MICAL2: variants seen among roughly 807,000 people sequenced by gnomAD.
MICAL2 encodes [F-actin]-monooxygenase MICAL2.
Under a neutral mutation model 127.3 loss-of-function variants are expected in MICAL2, and 77 were observed. The ratio of observed to expected loss-of-function variants is 0.60; its 90% CI spans 0.50 to 0.73. MICAL2 has a LOEUF of 0.73. Among genes scored for constraint, MICAL2 ranks in the 30% least tolerant of loss-of-function variants. MICAL2 has a pLI of 0.00. For missense variants in MICAL2, 1,351 were observed against 1,434.4 expected (o/e 0.94, Z 0.94); for synonymous variants, 570 against 551.1 (o/e 1.03, Z -0.48).
At chr11:12,145,273 C>T (rs913242030) in intron 2 of MICAL2, among the ~76,000 whole-genome samples, 1 of 152,190 alleles carries the variant, frequency 6.6e-6, no homozygotes, top group African/African-American at 2.4e-5. Context: ...TATCAGGACC[C>T]AGCATGCACT....
chr11:12,220,981 G>T (rs1856754680), intron 9 of MICAL2, among the ~76,000 whole-genome samples: 1 of 152,240 alleles, frequency 6.6e-6, no homozygotes, highest in African/African-American at 2.4e-5. Flanking sequence ...TCTCTTTAGT[G>T]TGAGCACTGA....
At chr11:12,241,243 C>G in intron 18 of MICAL2, 81 bp downstream of exon 18, 1 of 1,519,608 alleles carries the variant, frequency 6.6e-7, no homozygotes, top group Non-Finnish European at 8.9e-7. Context: ...GTGGCTCTTC[C>G]CACACCCCAA....
At chr11:12,199,609 C>T (rs1294929491) in intron 3 of MICAL2, among the ~76,000 whole-genome samples, 10 of 152,104 alleles carry the variant, frequency 6.6e-5, no homozygotes, top group South Asian at 2.1e-4. Flanking sequence ...GTGAGAGGGG[C>T]GGCTGGAAGA....
rs1854951433 is a variant in MICAL2, at chr11:12,207,996, A to T, written c.473-27A>T. 1.9e-6 allele frequency: 3 copies of T among 1,558,006 alleles called. No homozygotes were observed. The African/African-American group carries it at 4.1e-5, about 21-fold the overall frequency. On this transcript the variant is annotated intron_variant, in intron 4 of 27. Coordinates refer to ENST00000683283, the MANE Select transcript of MICAL2 (RefSeq NM_001282663.2). Reference sequence around the variant, plus strand: ...GGTGGTGTTCAGGTATTGCTGTGACAGTTCCTCTCTCCTTCCTGCCTGACA... The same window carrying T: ...GGTGGTGTTCAGGTATTGCTGTGACTGTTCCTCTCTCCTTCCTGCCTGACA...
chr11:12,340,338 CTA>C (rs1938843029), intron 32 of MICAL2, among the ~76,000 whole-genome samples: 1 of 152,066 alleles, frequency 6.6e-6, no homozygotes, highest in Non-Finnish European at 1.5e-5. Context: ...CAGTAAAAAA[CTA>C]TGGAAAACTA....
At chr11:12,292,199 C>T (rs1280645678), downstream of MICAL2, 7 of 1,614,004 alleles carry the variant, frequency 4.3e-6, no homozygotes, top group Admixed American at 3.3e-5. Context: ...TTCTCCTTCT[C>T]TTCCTCTTCC....
downstream of MICAL2, among the ~76,000 whole-genome samples, chr11:12,295,365 C>T (rs1298346849): frequency 1.3e-5 from 2 of 151,520 alleles, no homozygotes; most frequent in East Asian, 3.9e-4. Flanking sequence ...GTCTTAAACT[C>T]CTGGCCTCAG....
intron 32 of MICAL2, among the ~76,000 whole-genome samples, chr11:12,349,124 T>G (rs543948626): frequency 9.9e-5 from 15 of 152,202 alleles, no homozygotes; most frequent in Non-Finnish European, 2.1e-4. Flanking sequence ...GGTGAAATAT[T>G]CGAAAGCCAC....
At position 12,189,900 on chromosome 11, in the gene MICAL2, A is replaced by G. The variant is rs546480933; in HGVS notation, c.265-14350A>G. 2.0e-5 allele frequency among the ~76,000 whole-genome samples: 3 copies of G among 152,380 alleles called. No individual in the cohort carries two copies. The South Asian group carries it at 6.2e-4, about 32-fold the overall frequency. On this transcript the variant is annotated intron_variant, in intron 3 of 27. Transcript: ENST00000683283. ...TTTGCCCTTAAAGATGCTCTGATAG[A>G]GAAAACATAACATGTTCTTTGGCAG...
chr11:12,213,673 C>T (rs1028421396), intron 7 of MICAL2, among the ~76,000 whole-genome samples: 6 of 152,164 alleles, frequency 3.9e-5, no homozygotes, highest in African/African-American at 1.4e-4. Context: ...TGCCAATTCT[C>T]AGTGTTGGGT....
At position 12,260,458 on chromosome 11, in the gene MICAL2, AT is replaced by A. The variant is rs1012239897; in HGVS notation, c.3334+568del. 6 of 1,149,242 alleles carry A rather than the reference AT, an allele frequency of 5.2e-6. No homozygotes were observed. In the South Asian group the frequency reaches 1.6e-4, roughly 31 times the overall value. The allele number at this position is 1,149,242 out of a possible 1,614,324, so 71.2% of individuals were successfully genotyped here. A position where few individuals can be genotyped will look rare whatever the true frequency, so the allele number is the denominator to read the frequency against. ...TAATTTTAATTAGCCCAGAGAAAGC[AT>A]TTTTTTCTATGAGTGTCAATTTTTC... On this transcript the variant is annotated intron_variant, in intron 26 of 27. Transcript: ENST00000683283.
At chr11:12,349,863 G>C in exon 33 of MICAL2, 4 of 1,614,156 alleles carry the variant, frequency 2.5e-6, no homozygotes, top group Non-Finnish European at 3.4e-6. Flanking sequence ...ATGAAGCACA[G>C]CTTTTGCAGG....
In MICAL2 at chr11:12,239,585, G is replaced by A; in HGVS notation, c.2214G>A (p.Gln738=). The part of the protein sequence containing the change: ...ESTRNPSLMK[Q]ERRVSGIGKP... ...CTCGGAACCCCTCACTCATGAAGCA[G>A]GTGAGTCATGTCAAATACTCACTGG... Residue 738 remains glutamine (Q), a splice_region_variant and synonymous_variant, in exon 17 of 28, where the codon CAG becomes CAA. Transcript: ENST00000683283. The A allele has an allele frequency of 6.2e-7, 1 of 1,613,726 alleles. No individual in the cohort carries two copies. Among genetic ancestry groups the A allele is most frequent in the Admixed American group, 1.7e-5 (1 of 59,900 alleles).
chr11:12,216,376 C>T (rs1359767577), intron 8 of MICAL2, 57 bp downstream of exon 8: 1 of 1,359,350 alleles, frequency 7.4e-7, no homozygotes, highest in African/African-American at 1.4e-5. Context: ...GTGACATCAG[C>T]AGGTGTGAAG....
intron 20 of MICAL2, chr11:12,243,076 T>G (rs868347594): frequency 1.8e-4 from 43 of 241,068 alleles, no homozygotes; most frequent in Middle Eastern, 1.4e-3. Flanking sequence ...CCAAGCAGGC[T>G]CTGAGCTTCC....
intron 3 of MICAL2, among the ~76,000 whole-genome samples, chr11:12,194,536 C>T (rs1222028574): frequency 1.3e-5 from 2 of 152,134 alleles, no homozygotes; most frequent in African/African-American, 4.8e-5. Context: ...CCTTTTTCCC[C>T]ACATGTAGGT....
chr11:12,335,108 G>A (rs1938724741), intron 32 of MICAL2, among the ~76,000 whole-genome samples: 1 of 148,698 alleles, frequency 6.7e-6, no homozygotes, highest in African/African-American at 2.5e-5. Context: ...ATCCTCTCCA[G>A]CACCTGTTTT....
At chr11:12,244,261 G>T in intron 21 of MICAL2, 149 bp downstream of exon 21, 1 of 1,157,904 alleles carries the variant, frequency 8.6e-7, no homozygotes, top group Non-Finnish European at 1.3e-6. Flanking sequence ...ATTCAATTTT[G>T]TTTTTGTGTT....
chr11:12,314,165 T>C (rs1864206054), intron 29 of MICAL2, among the ~76,000 whole-genome samples: 1 of 151,966 alleles, frequency 6.6e-6, no homozygotes, highest in African/African-American at 2.4e-5. Context: ...CTACTTACAG[T>C]TAACATAATT....
Sources: allele counts gnomAD v4.1 joint callset (sites outside exome capture counted in the v4.1 genomes callset), GRCh38; gene constraint gnomAD v4.1.1; transcripts MANE v1.5; gene names NCBI Gene and HGNC (gene_info 2026-07-23, HGNC 2026-07-21).